Variants in EBF1 observed in about 807,000 individuals in gnomAD.
The protein encoded by EBF1 is EBF transcription factor 1.
A neutral mutation model predicts 68.4 loss-of-function variants in EBF1; 10 were observed. The ratio of observed to expected loss-of-function variants is 0.15; its 90% confidence interval spans 0.09 to 0.25. The LOEUF (loss-of-function observed/expected upper bound fraction) is 0.25. EBF1 is among the 10% of genes least tolerant of loss of function. The pLI is 1.00. For synonymous variants in EBF1, 298 were observed against 299.8 expected (o/e 0.99, Z 0.06); for missense variants, 509 against 794.4 (o/e 0.64, Z 4.32).
intron 9 of EBF1, among the ~76,000 whole-genome samples, chr5:158,789,866 T>C (rs1283940863): frequency 2.0e-5 from 3 of 152,288 alleles, no homozygotes; most frequent in Non-Finnish European, 2.9e-5. Flanking sequence ...TTATTGACAA[T>C]CATTCCTCTG....
chr5:158,702,670 G>T (rs1183598462), intron 15 of EBF1, among the ~76,000 whole-genome samples: 1 of 148,070 alleles, frequency 6.8e-6, no homozygotes, highest in Non-Finnish European at 1.5e-5. Context: ...CATGAACCTG[G>T]GAGGCAGAGC....
chr5:159,096,100 G>T, intron 3 of EBF1: 2 of 576,574 alleles, frequency 3.5e-6, no homozygotes, highest in Non-Finnish European at 6.1e-6. Flanking sequence ...AATGAAAGTG[G>T]CTCAGGGAGG....
intron 6 of EBF1, among the ~76,000 whole-genome samples, chr5:158,965,188 T>C (rs990082717): frequency 1.3e-5 from 2 of 152,168 alleles, no homozygotes; most frequent in East Asian, 3.8e-4. Context: ...CAACCCAGAT[T>C]CTAGGATCCA....
At chr5:159,031,880 T>C (rs752181851) in intron 6 of EBF1, among the ~76,000 whole-genome samples, 30 of 152,204 alleles carry the variant, frequency 2.0e-4, no homozygotes, top group Admixed American at 1.8e-3. Flanking sequence ...TCACCACTTT[T>C]AGTTAAAATA....
At chr5:159,018,963 C>G (rs925268667) in intron 6 of EBF1, 2 of 152,212 alleles carry the variant, frequency 1.3e-5, no homozygotes, top group Non-Finnish European at 2.9e-5. Flanking sequence ...CACTCACCTC[C>G]TCCGCAAAGA....
intron 5 of EBF1, among the ~76,000 whole-genome samples, chr5:159,074,445 T>A (rs955481977): frequency 3.3e-5 from 5 of 152,216 alleles, no homozygotes; most frequent in African/African-American, 1.2e-4. Flanking sequence ...AAAACTTACA[T>A]TTCACCAAGC....
chr5:158,845,953 A>C (rs915814154), intron 6 of EBF1, among the ~76,000 whole-genome samples: 4 of 152,200 alleles, frequency 2.6e-5, no homozygotes, highest in African/African-American at 9.6e-5. Flanking sequence ...TACCTCCCCC[A>C]ACCCAAATTC....
chr5:159,023,892 G>A (rs955162210), intron 6 of EBF1, among the ~76,000 whole-genome samples: 9 of 152,188 alleles, frequency 5.9e-5, no homozygotes, highest in Non-Finnish European at 1.3e-4. Context: ...GGGCAAACAG[G>A]AGGAGTGGAA....
chr5:158,760,800 AT>A (rs777734154), intron 10 of EBF1, among the ~76,000 whole-genome samples: 9 of 152,014 alleles, frequency 5.9e-5, no homozygotes, highest in Non-Finnish European at 2.9e-5. Context: ...TTGTGTTATT[AT>A]TTTCCTCAAA....
chr5:158,717,862 TC>T (rs1761096669), intron 11 of EBF1, among the ~76,000 whole-genome samples: 1 of 152,162 alleles, frequency 6.6e-6, no homozygotes, highest in Admixed American at 6.5e-5. Context: ...CATCTCACTA[TC>T]AAAACGTGGC....
At chr5:158,936,528 T>TG (rs1256785381) in intron 6 of EBF1, among the ~76,000 whole-genome samples, 1 of 152,230 alleles carries the variant, frequency 6.6e-6, no homozygotes, top group African/African-American at 2.4e-5. Context: ...AACATCAGCA[T>TG]GTGGATGGCA....
intron 10 of EBF1, among the ~76,000 whole-genome samples, chr5:158,775,658 C>T (rs554603011): frequency 3.0e-4 from 46 of 151,708 alleles, no homozygotes; most frequent in African/African-American, 9.7e-4. Flanking sequence ...TGAAAAACTC[C>T]CATCCATTGG....
chr5:158,734,010 G>T (rs535654940), intron 10 of EBF1, among the ~76,000 whole-genome samples: 6 of 152,096 alleles, frequency 3.9e-5, no homozygotes, highest in Non-Finnish European at 7.4e-5. Context: ...TAAGGCACCC[G>T]CATGGAATAG....
At chr5:159,014,033 A>G (rs1340191108) in intron 6 of EBF1, among the ~76,000 whole-genome samples, 1 of 152,230 alleles carries the variant, frequency 6.6e-6, no homozygotes, top group Non-Finnish European at 1.5e-5. Flanking sequence ...TTACATCAAC[A>G]TTGGGCTTCC....
At chr5:158,729,673 C>T (rs1763671567) in intron 11 of EBF1, among the ~76,000 whole-genome samples, 1 of 152,106 alleles carries the variant, frequency 6.6e-6, no homozygotes, top group African/African-American at 2.4e-5. Flanking sequence ...GATTTAATTG[C>T]TTACCAAGAA....
intron 6 of EBF1, among the ~76,000 whole-genome samples, chr5:159,068,416 T>C (rs1777221415): frequency 6.6e-6 from 1 of 151,972 alleles, no homozygotes; most frequent in East Asian, 1.9e-4. Context: ...GATGGTTAGA[T>C]AGATAGATCT....
At chr5:158,723,402 T>A (rs1444166643) in intron 11 of EBF1, among the ~76,000 whole-genome samples, 2 of 152,162 alleles carry the variant, frequency 1.3e-5, no homozygotes, top group Non-Finnish European at 2.9e-5. Flanking sequence ...CGTAAACACA[T>A]GCCTCTGTGT....
intron 6 of EBF1, among the ~76,000 whole-genome samples, chr5:158,977,690 G>T (rs575026811): frequency 6.6e-6 from 1 of 152,306 alleles, no homozygotes; most frequent in East Asian, 1.9e-4. Flanking sequence ...AGCAAGATAT[G>T]AAAGGGGTGG....
intron 9 of EBF1, among the ~76,000 whole-genome samples, chr5:158,791,146 C>T (rs563467653): frequency 2.4e-4 from 37 of 151,988 alleles, no homozygotes; most frequent in African/African-American, 8.9e-4. Flanking sequence ...CGGCAAAACC[C>T]CGTCTCTACT....
Sources: allele counts gnomAD v4.1 joint callset (sites outside exome capture counted in the v4.1 genomes callset), GRCh38; gene constraint gnomAD v4.1.1; transcripts MANE v1.5; gene names NCBI Gene and HGNC (gene_info 2026-07-23, HGNC 2026-07-21).